SHOX: variants seen among roughly 807,000 people sequenced by gnomAD.
SHOX encodes the protein SHOX homeobox.
A neutral mutation model predicts 29.6 loss-of-function variants in SHOX; 12 were observed. The observed-to-expected ratio is 0.41, with a 90% CI of 0.26 to 0.66. SHOX has a LOEUF of 0.66. SHOX is among the 30% of genes least tolerant of loss of function. The pLI, the probability that SHOX is intolerant of heterozygous loss-of-function variation, is 0.35. For missense variants in SHOX, 499 were observed against 437.7 expected (o/e 1.14, Z -1.25); for synonymous variants, 214 against 200.6 (o/e 1.07, Z -0.57).
chrX:626,326 G>C (rs1205248538), upstream of SHOX, among the ~76,000 whole-genome samples: 1 of 110,936 alleles, frequency 9.0e-6, no homozygotes. Context: ...CTTTTTCTCT[G>C]TCTCTGTCTG....
In SHOX at chrX:645,338, A is replaced by G. The variant is rs2052945210; in HGVS notation, c.*702A>G. 1 of 144,154 alleles carries G rather than the reference A, an allele frequency of 6.9e-6. No homozygotes were observed. 8.9% of individuals were successfully genotyped at this position (144,154 alleles called of 1,614,324 possible). On this transcript the variant is annotated 3_prime_UTR_variant, in exon 5 of 5. Coordinates refer to ENST00000686671, the MANE Select transcript of SHOX (RefSeq NM_000451.4). ...GACCTGAATGAGGACCGACTTTATA[A>G]CTTTTCCAGTGTTTGATTCCCAAAT...
intron 2 of SHOX, among the ~76,000 whole-genome samples, chrX:636,271 TAA>T (rs1413988312): frequency 7.0e-6 from 1 of 143,530 alleles, no homozygotes; most frequent in African/African-American, 2.6e-5. Flanking sequence ...CATAAATATA[TAA>T]ACATATATAA....
intron 4 of SHOX, among the ~76,000 whole-genome samples, chrX:642,389 CGT>C (rs1264529506): frequency 6.0e-5 from 9 of 150,892 alleles, no homozygotes; most frequent in East Asian, 2.0e-4. Flanking sequence ...TATTTGGGCG[CGT>C]GTTTGGCTGA....
In SHOX at chrX:634,756, C is replaced by G; in HGVS notation, c.416C>G (p.Thr139Ser). Reference protein sequence around the residue: ...LNELERLFDETHYPDAFMREE... With the variant: ...LNELERLFDESHYPDAFMREE... ...GAGCTCGAGCGACTCTTCGACGAGA[C>G]CCATTACCCCGACGCCTTCATGCGC... The change falls in exon 2 of 5, where the codon ACC becomes AGC. Residue 139 changes from threonine (T) to serine (S), a missense_variant. Coordinates refer to ENST00000686671, the MANE Select transcript of SHOX (RefSeq NM_000451.4). 6.2e-7 allele frequency: 1 copy of G among 1,611,014 alleles called. No individual in the cohort carries two copies. Among genetic ancestry groups the G allele is most frequent in the Non-Finnish European group, 8.5e-7 (1 of 1,178,736 alleles).
At chrX:657,208 A>G (rs59815617) in intron 5 of SHOX, among the ~76,000 whole-genome samples, 34,816 of 152,058 alleles carry the variant, frequency 0.23, 4,793 homozygotes, top group East Asian at 0.44. Flanking sequence ...AAATCAGTGC[A>G]TCGTGCAGTG....
upstream of SHOX, among the ~76,000 whole-genome samples, chrX:627,670 C>T (rs1244980996): frequency 7.9e-6 from 1 of 125,934 alleles, no homozygotes; most frequent in Non-Finnish European, 1.5e-5. Context: ...CCTTGAATAG[C>T]CACACAGCTC....
chrX:637,676 C>A (rs2052781837), intron 2 of SHOX, among the ~76,000 whole-genome samples: 1 of 152,104 alleles, frequency 6.6e-6, no homozygotes, highest in Non-Finnish European at 1.5e-5. Context: ...TCATAAAAAT[C>A]AATTAGTTCC....
At chrX:640,580 C>A (rs1187975669) in intron 2 of SHOX, among the ~76,000 whole-genome samples, 2 of 152,032 alleles carry the variant, frequency 1.3e-5, no homozygotes, top group Non-Finnish European at 2.9e-5. Context: ...GATTTCAGAA[C>A]CACCACCACC....
chrX:631,824 G>C, intron 1 of SHOX: 1 of 444,538 alleles, frequency 2.2e-6, no homozygotes. Flanking sequence ...GAGGCACCGC[G>C]CCCGGCCTGG....
chrX:640,344 C>G (rs1008811108), intron 2 of SHOX, among the ~76,000 whole-genome samples: 3 of 151,740 alleles, frequency 2.0e-5, no homozygotes, highest in African/African-American at 7.3e-5. Context: ...GACTCCGTCT[C>G]AAAAACAAAA....
upstream of SHOX, among the ~76,000 whole-genome samples, chrX:629,441 C>G (rs916930596): frequency 4.6e-5 from 7 of 151,698 alleles, no homozygotes; most frequent in African/African-American, 1.5e-4. Context: ...CTTTCTCTGT[C>G]TCCATCCCTC....
At chrX:635,122 A>G (rs2052722563) in intron 2 of SHOX, among the ~76,000 whole-genome samples, 1 of 152,118 alleles carries the variant, frequency 6.6e-6, no homozygotes. Flanking sequence ...TATATTATAG[A>G]TATTTGTTCG....
At position 630,854 on chromosome X, in the gene SHOX, G is replaced by C; in HGVS notation, c.-44G>C. ...CCGTCCTCTCCGCGCGGGGAGACGCGCGCATCCACCAGCCCCGGCTGCTCG... is the reference window on the plus strand; with the variant it reads ...CCGTCCTCTCCGCGCGGGGAGACGCCCGCATCCACCAGCCCCGGCTGCTCG... On this transcript the variant is annotated 5_prime_UTR_variant, in exon 1 of 5. Coordinates refer to ENST00000686671, the MANE Select transcript of SHOX (RefSeq NM_000451.4). 1.2e-6 allele frequency: 2 copies of C among 1,610,046 alleles called. No individual in the cohort carries two copies. The highest frequency in any genetic ancestry group is 1.7e-6 in the Non-Finnish European group (2 of 1,178,572).
At chrX:634,994 G>C (rs2052719678) in intron 2 of SHOX, among the ~76,000 whole-genome samples, 168 bp downstream of exon 2, 1 of 152,160 alleles carries the variant, frequency 6.6e-6, no homozygotes. Context: ...GGAGACGCCT[G>C]AGGCCTGTAG....
intron 4 of SHOX, among the ~76,000 whole-genome samples, chrX:644,060 C>T (rs184166785): frequency 2.6e-5 from 4 of 152,104 alleles, no homozygotes; most frequent in Non-Finnish European, 5.9e-5. Flanking sequence ...GGGGAGAGAA[C>T]GTTGTGAGCC....
At chrX:626,350 C>G (rs1488753407), upstream of SHOX, among the ~76,000 whole-genome samples, 3 of 135,596 alleles carry the variant, frequency 2.2e-5, no homozygotes, top group Non-Finnish European at 1.6e-5. Context: ...CTCTGTCTAT[C>G]TCTGTCTCTC....
At chrX:657,762 C>T (rs374723276) in intron 5 of SHOX, among the ~76,000 whole-genome samples, 27 of 152,244 alleles carry the variant, frequency 1.8e-4, no homozygotes, top group African/African-American at 6.0e-4. Flanking sequence ...ACGACGTGCA[C>T]ACACAGAGTA....
At chrX:630,178 C>T (rs915877717), upstream of SHOX, among the ~76,000 whole-genome samples, 46 of 152,302 alleles carry the variant, frequency 3.0e-4, no homozygotes, top group African/African-American at 1.1e-3. Context: ...TGGGGACACC[C>T]GGCCCCTTCT....
chrX:634,933 C>A (rs2052718311), intron 2 of SHOX, 107 bp downstream of exon 2: 1 of 1,244,694 alleles, frequency 8.0e-7, no homozygotes, highest in East Asian at 2.6e-5. Flanking sequence ...CGTCCCCTTC[C>A]CGGAGCGCGG....
Sources: allele counts gnomAD v4.1 joint callset (sites outside exome capture counted in the v4.1 genomes callset), GRCh38; gene constraint gnomAD v4.1.1; transcripts MANE v1.5; gene names NCBI Gene and HGNC (gene_info 2026-07-23, HGNC 2026-07-21).